The following TMEM184B variants were observed in gnomAD, a reference collection of about 807,000 sequenced individuals.
The protein encoded by TMEM184B is putative MAPK-activating protein FM08.
In TMEM184B, 17 loss-of-function variants were observed where a neutral mutation model predicts 41.8. The observed-to-expected ratio is 0.41, with a 90% CI of 0.28 to 0.61. TMEM184B has a LOEUF of 0.61. Ranked by LOEUF, TMEM184B falls within the 20% of genes least tolerant of loss-of-function variation. The pLI is 0.34. For synonymous variants in TMEM184B, 240 were observed against 229.5 expected, an observed-to-expected ratio of 1.05 and a Z score of -0.41; for missense variants, 393 against 557.8, an observed-to-expected ratio of 0.70 and a Z score of 2.98.
At chr22:38,259,263 T>C (rs958926251) in intron 1 of TMEM184B, among the ~76,000 whole-genome samples, 5 of 152,306 alleles carry the variant, frequency 3.3e-5, no homozygotes, top group African/African-American at 4.8e-5. Flanking sequence ...CCTCTGCCCA[T>C]GGATTTTATT....
intron 8 of TMEM184B, among the ~76,000 whole-genome samples, 184 bp downstream of exon 8, chr22:38,224,601 G>A (rs963397452): frequency 6.6e-6 from 1 of 152,300 alleles, no homozygotes; most frequent in African/African-American, 2.4e-5. Flanking sequence ...TTCCAGGACC[G>A]AATCGGTCGT....
In TMEM184B at chr22:38,220,680, T is replaced by C; in HGVS notation, c.*789A>G. On this transcript the variant is annotated 3_prime_UTR_variant, in exon 9 of 9. Coordinates refer to ENST00000361906, the MANE Select transcript of TMEM184B (RefSeq NM_012264.5). ...TGAAGCAGCCAGGAAGCAAGGGCTC[T>C]GCCCAAAGCTATCGAGGAAGGACCC... 1 of 986,192 alleles carries C rather than the reference T, an allele frequency of 1.0e-6. No individual in the cohort carries two copies. Among genetic ancestry groups the C allele is most frequent in the East Asian group, 1.1e-4 (1 of 8,818 alleles). 61.1% of individuals were successfully genotyped at this position (986,192 alleles called of 1,614,324 possible). A position where few individuals can be genotyped will look rare whatever the true frequency, so the allele number is the denominator to read the frequency against.
At chr22:38,272,696 C>A in intron 1 of TMEM184B, 188 bp downstream of exon 1, 2 of 985,432 alleles carry the variant, frequency 2.0e-6, no homozygotes, top group Middle Eastern at 5.2e-4. Flanking sequence ...AGAGGAGGCA[C>A]GGGTGGGGAG....
At chr22:38,245,658 C>T (rs1210119743) in intron 3 of TMEM184B, among the ~76,000 whole-genome samples, 1 of 144,800 alleles carries the variant, frequency 6.9e-6, no homozygotes, top group African/African-American at 2.5e-5. Flanking sequence ...AAGCGAGACC[C>T]AGGTGGAGGG....
intron 1 of TMEM184B, among the ~76,000 whole-genome samples, chr22:38,260,901 G>A (rs147366086): frequency 1.1e-4 from 16 of 152,280 alleles, no homozygotes; most frequent in Non-Finnish European, 1.9e-4. Context: ...TCACTCAGGC[G>A]GCTGCCACCC....
At chr22:38,241,154 C>T (rs1479820970) in intron 3 of TMEM184B, among the ~76,000 whole-genome samples, 1 of 152,154 alleles carries the variant, frequency 6.6e-6, no homozygotes, top group Non-Finnish European at 1.5e-5. Flanking sequence ...GCAGGCATTC[C>T]TGACTGCAGC....
chr22:38,260,133 C>T (rs958304282), intron 1 of TMEM184B, among the ~76,000 whole-genome samples: 5 of 152,198 alleles, frequency 3.3e-5, no homozygotes, highest in Admixed American at 1.3e-4. Flanking sequence ...TGGTCTTGAA[C>T]TCCTGACCTT....
At chr22:38,230,434 G>T (rs944001385) in intron 5 of TMEM184B, among the ~76,000 whole-genome samples, 9 of 152,220 alleles carry the variant, frequency 5.9e-5, no homozygotes, top group African/African-American at 2.2e-4. Flanking sequence ...GCAAGAGTCT[G>T]GGATCAGCTC....
intron 8 of TMEM184B, chr22:38,222,160 C>A (rs984519567): frequency 2.0e-5 from 4 of 198,408 alleles, no homozygotes; most frequent in African/African-American, 9.4e-5. Flanking sequence ...GTGCTGTGCT[C>A]CCTCTACTCT....
chr22:38,240,194 G>C (rs188109519), intron 3 of TMEM184B, among the ~76,000 whole-genome samples: 3 of 152,066 alleles, frequency 2.0e-5, no homozygotes, highest in East Asian at 3.9e-4. Context: ...CAGAAGAAAG[G>C]AATTCAAGAG....
At position 38,224,336 on chromosome 22, in the gene TMEM184B, G is replaced by C. The variant is rs962097677; in HGVS notation, c.982+449C>G. Among the ~76,000 whole-genome samples the C allele has an allele frequency of 2.0e-5, 3 of 152,292 alleles. No individual in the cohort carries two copies. The South Asian group carries it at 6.2e-4, about 32-fold the overall frequency. On this transcript the variant is annotated intron_variant, in intron 8 of 8. Transcript: ENST00000361906. ...TCACCGTGTTAGCCAGGATGGTCTC[G>C]ATCTCCTGACCTTGTGATCCACCCG...
At chr22:38,221,768 G>A in intron 8 of TMEM184B, 58 bp from the exon 9 acceptor site, 1 of 1,591,552 alleles carries the variant, frequency 6.3e-7, no homozygotes, top group Non-Finnish European at 8.5e-7. Context: ...AGAGGGAGGT[G>A]GCTCAGCCCC....
chr22:38,259,427 G>A (rs551821056), intron 1 of TMEM184B, among the ~76,000 whole-genome samples: 1 of 152,326 alleles, frequency 6.6e-6, no homozygotes, highest in African/African-American at 2.4e-5. Flanking sequence ...TGGATAACCT[G>A]GGTGGGCCCA....
chr22:38,256,977 G>GTTTTTTTTTTTTTTTTTTTT (rs777863582), intron 1 of TMEM184B, among the ~76,000 whole-genome samples: 1 of 124,286 alleles, frequency 8.0e-6, no homozygotes, highest in African/African-American at 3.1e-5. Flanking sequence ...GACATTAATA[G>GTTTTTTTTTTTTTTTTTTTT]TTTTTTTTTT....
chr22:38,244,151 G>A (rs1309215342), intron 3 of TMEM184B, among the ~76,000 whole-genome samples: 1 of 152,070 alleles, frequency 6.6e-6, no homozygotes, highest in African/African-American at 2.4e-5. Flanking sequence ...CCATTTTCTT[G>A]CCAAACCTAA....
At position 38,221,599 on chromosome 22, in the gene TMEM184B, G is replaced by A. The variant is rs747180927; in HGVS notation, c.1094C>T (p.Thr365Met). ...HNFSPAYQQYTQQSTLEPGPT... is the reference protein window; with the variant it reads ...HNFSPAYQQYMQQSTLEPGPT... ...CCCAGGCTCCAGGGTGGACTGCTGC[G>A]TGTACTGCTGGTAGGCAGGTGAGAA... Residue 365 changes from threonine to methionine, a missense_variant, in exon 9 of 9, where the codon ACG becomes ATG. Physicochemically the swap from Thr to Met is moderately conservative, Grantham distance 81 (BLOSUM62 -1). Around this residue, in one of 2 missense-constraint regions of TMEM184B, gnomAD observed 271 missense variants for 434.1 expected, o/e 0.62. Coordinates refer to ENST00000361906, the MANE Select transcript of TMEM184B (RefSeq NM_012264.5). 5.6e-6 allele frequency: 9 copies of A among 1,614,128 alleles called. No homozygotes were observed. The highest frequency in any genetic ancestry group is 4.5e-5 in the East Asian group (2 of 44,860).
At chr22:38,245,844 C>G in intron 3 of TMEM184B, 91 bp downstream of exon 3, 1 of 1,351,418 alleles carries the variant, frequency 7.4e-7, no homozygotes, top group African/African-American at 1.4e-5. Context: ...CAAGACAGTC[C>G]TCATGAAGCC....
intron 3 of TMEM184B, chr22:38,231,582 T>C (rs1055372195): frequency 3.3e-5 from 21 of 628,186 alleles, no homozygotes; most frequent in Non-Finnish European, 2.6e-5. Context: ...ACTGGCGTAA[T>C]ACTATGAAGG....
chr22:38,268,636 C>T (rs1345755966), intron 1 of TMEM184B, among the ~76,000 whole-genome samples: 1 of 152,222 alleles, frequency 6.6e-6, no homozygotes, highest in Non-Finnish European at 1.5e-5. Flanking sequence ...GACTTAGTAT[C>T]AAACAACTCC....
Sources: allele counts gnomAD v4.1 joint callset (sites outside exome capture counted in the v4.1 genomes callset), GRCh38; gene constraint gnomAD v4.1.1; regional missense constraint gnomAD v4.1.1; transcripts MANE v1.5; gene names NCBI Gene and HGNC (gene_info 2026-07-23, HGNC 2026-07-21).